Variants in CSRNP3 observed in about 807,000 individuals in gnomAD.
CSRNP3 encodes cysteine and serine rich nuclear protein 3, also known as cysteine/serine-rich nuclear protein 3.
CSRNP3 carries 12 observed loss-of-function variants against 48.0 expected under a neutral mutation model. The ratio of observed to expected loss-of-function variants is 0.25; its 90% CI spans 0.16 to 0.41. The LOEUF (loss-of-function observed/expected upper bound fraction) is 0.41, where lower values mean the gene tolerates loss of function less well. Ranked by LOEUF, CSRNP3 falls within the 10% of genes least tolerant of loss-of-function variation. CSRNP3 has a pLI of 1.00. For missense variants in CSRNP3, 580 were observed against 724.4 expected, an observed-to-expected ratio of 0.80 and a Z score of 2.29; for synonymous variants, 263 against 269.7, an observed-to-expected ratio of 0.98 and a Z score of 0.24.
At chr2:165,636,298 A>G (rs1051512743) in intron 4 of CSRNP3, among the ~76,000 whole-genome samples, 3 of 152,252 alleles carry the variant, frequency 2.0e-5, no homozygotes, top group Non-Finnish European at 4.4e-5. Flanking sequence ...ATAAATAAAT[A>G]TGAATGCATG....
At chr2:165,576,550 A>G (rs1685454013) in intron 3 of CSRNP3, among the ~76,000 whole-genome samples, 2 of 152,024 alleles carry the variant, frequency 1.3e-5, no homozygotes, top group Non-Finnish European at 2.9e-5. Context: ...AATAAAGAGA[A>G]TTGTTGTGAT....
At chr2:165,533,209 A>G (rs1684837998) in intron 3 of CSRNP3, among the ~76,000 whole-genome samples, 1 of 152,094 alleles carries the variant, frequency 6.6e-6, no homozygotes, top group African/African-American at 2.4e-5. Context: ...AAAAATGCCT[A>G]CAGTTTTATG....
chr2:165,624,651 C>T (rs755711337), intron 4 of CSRNP3, among the ~76,000 whole-genome samples: 1 of 152,152 alleles, frequency 6.6e-6, no homozygotes, highest in African/African-American at 2.4e-5. Context: ...AACTAAGAAG[C>T]CTTCTTTTCA....
At chr2:165,505,185 C>A (rs1514752) in intron 2 of CSRNP3, among the ~76,000 whole-genome samples, 1 of 151,816 alleles carries the variant, frequency 6.6e-6, no homozygotes, top group East Asian at 1.9e-4. Context: ...GAAGTCAAAA[C>A]GAAAAAACAA....
chr2:165,660,706 G>A (rs1558965503), intron 5 of CSRNP3, among the ~76,000 whole-genome samples: 1 of 152,162 alleles, frequency 6.6e-6, no homozygotes, highest in Non-Finnish European at 1.5e-5. Flanking sequence ...GGAGCCAAAA[G>A]ACCACTCTAT....
intron 2 of CSRNP3, among the ~76,000 whole-genome samples, chr2:165,506,398 A>G (rs577508291): frequency 6.6e-6 from 1 of 152,196 alleles, no homozygotes; most frequent in Non-Finnish European, 1.5e-5. Context: ...GGGGTAAGGG[A>G]TACACAAGAA....
chr2:165,536,263 T>G (rs1349816274), intron 3 of CSRNP3, among the ~76,000 whole-genome samples: 1 of 151,946 alleles, frequency 6.6e-6, no homozygotes, highest in Non-Finnish European at 1.5e-5. Flanking sequence ...AGTTTGAAAA[T>G]GCAGATTCAT....
Position 165,528,584 on chromosome 2 carries a change from G to A in CSRNP3, c.-24+10623G>A, listed in dbSNP as rs979259625. ...CTCAACACTCTTTATTAAAGAGACT[G>A]TCTATTCCCCATTGTGTGCTCTTGG... On this transcript the variant is annotated intron_variant, in intron 3 of 6. Transcript: ENST00000651982. Among the ~76,000 whole-genome samples, 5 of 152,198 alleles carry A rather than the reference G, an allele frequency of 3.3e-5. No homozygotes were observed. In the South Asian group the frequency reaches 8.3e-4, roughly 25 times the overall value.
chr2:165,582,312 A>G (rs567846060), intron 3 of CSRNP3, among the ~76,000 whole-genome samples: 8 of 152,360 alleles, frequency 5.3e-5, no homozygotes, highest in Admixed American at 5.2e-4. Flanking sequence ...AGTTATTATA[A>G]ATGGAATGAG....
chr2:165,609,340 T>C (rs1283144104), intron 4 of CSRNP3, among the ~76,000 whole-genome samples: 3 of 150,768 alleles, frequency 2.0e-5, no homozygotes, highest in Non-Finnish European at 2.9e-5. Context: ...GCGCTTGTAG[T>C]CCCAGCTACT....
chr2:165,679,714 G>T lies in CSRNP3; in HGVS notation c.1719G>T (p.Glu573Asp). ...CAGAAAAGAGCATATTGCATGAAGA[G>T]TGCATCAAATCACCCGTGGTTGAGA... is the stretch of plus-strand genomic sequence containing the variant. ...SLAEKSILHE[E>D]CIKSPVVETV... is the part of the protein sequence containing the mutation. The change falls in exon 7 of 7, where the codon GAG becomes GAT. Residue 573 changes from glutamate (E) to aspartate (D), a missense_variant. Around this residue, in one of 4 missense-constraint regions of CSRNP3, gnomAD observed 369 missense variants for 380.8 expected, o/e 0.97. Transcript: ENST00000651982. 6.2e-7 allele frequency: 1 copy of T among 1,613,964 alleles called. No homozygotes were observed. Among genetic ancestry groups the T allele is most frequent in the Non-Finnish European group, 8.5e-7 (1 of 1,179,942 alleles).
At chr2:165,604,284 CTG>C (rs1454590531) in intron 4 of CSRNP3, among the ~76,000 whole-genome samples, 1 of 152,162 alleles carries the variant, frequency 6.6e-6, no homozygotes, top group African/African-American at 2.4e-5. Flanking sequence ...TAGAACTTAA[CTG>C]TGTATACTTC....
At chr2:165,587,776 G>T (rs368072335) in intron 3 of CSRNP3, among the ~76,000 whole-genome samples, 58 of 152,276 alleles carry the variant, frequency 3.8e-4, no homozygotes, top group African/African-American at 1.3e-3. Flanking sequence ...AAAAAAAATT[G>T]TATGATGCTT....
intron 4 of CSRNP3, among the ~76,000 whole-genome samples, chr2:165,610,632 G>T (rs577721552): frequency 6.6e-6 from 1 of 152,164 alleles, no homozygotes; most frequent in East Asian, 1.9e-4. Flanking sequence ...AAAGGAAGAA[G>T]AGTTGCTGAC....
chr2:165,530,663 T>C (rs1419949086), intron 3 of CSRNP3, among the ~76,000 whole-genome samples: 2 of 152,140 alleles, frequency 1.3e-5, no homozygotes, highest in Non-Finnish European at 2.9e-5. Context: ...TTTTTCCTTA[T>C]AAAATATAAT....
At chr2:165,653,613 C>T (rs554710105) in intron 4 of CSRNP3, among the ~76,000 whole-genome samples, 2 of 152,194 alleles carry the variant, frequency 1.3e-5, no homozygotes, top group East Asian at 3.9e-4. Context: ...AGGTGGAGAT[C>T]TAAATACATT....
chr2:165,514,658 G>A (rs1684552014), intron 2 of CSRNP3, among the ~76,000 whole-genome samples: 1 of 152,224 alleles, frequency 6.6e-6, no homozygotes, highest in Admixed American at 6.5e-5. Context: ...TTAAGCACCA[G>A]ATCCCCAATA....
intron 1 of CSRNP3, among the ~76,000 whole-genome samples, chr2:165,474,312 G>T (rs1206076593): frequency 1.3e-5 from 2 of 151,942 alleles, no homozygotes; most frequent in African/African-American, 4.8e-5. Context: ...AGATTATAGT[G>T]TACTACAGCC....
At chr2:165,665,795 G>GAGAGAGAGAA (rs1553484202) in intron 5 of CSRNP3, among the ~76,000 whole-genome samples, 1 of 149,422 alleles carries the variant, frequency 6.7e-6, no homozygotes, top group Non-Finnish European at 1.5e-5. Flanking sequence ...GAGAGAGAGA[G>GAGAGAGAGAA]AGAGAGAAAG....
Sources: allele counts gnomAD v4.1 joint callset (sites outside exome capture counted in the v4.1 genomes callset), GRCh38; gene constraint gnomAD v4.1.1; regional missense constraint gnomAD v4.1.1; transcripts MANE v1.5; gene names NCBI Gene and HGNC (gene_info 2026-07-23, HGNC 2026-07-21).